GALNT5: variants seen among roughly 807,000 people sequenced by gnomAD.
The protein encoded by GALNT5 is UDP-GalNAc:polypeptide N-acetylgalactosaminyltransferase 5.
GALNT5 carries 72 observed loss-of-function variants against 85.4 expected under a neutral mutation model. That is an observed-to-expected ratio of 0.84 (90% confidence interval 0.70 to 1.03). GALNT5 has a LOEUF of 1.03. Ranked by LOEUF, GALNT5 falls within the 50% of genes least tolerant of loss-of-function variation. GALNT5 has a pLI of 0.00. For missense variants in GALNT5, 1,137 were observed against 1,135.5 expected (o/e 1.00, Z -0.02); for synonymous variants, 404 against 397.0 (o/e 1.02, Z -0.21).
chr2:157,296,202 C>T (rs1683210882), intron 4 of GALNT5, among the ~76,000 whole-genome samples, 192 bp from the exon 5 acceptor site: 1 of 152,098 alleles, frequency 6.6e-6, no homozygotes, highest in African/African-American at 2.4e-5. Context: ...AAGTTAAGCA[C>T]AAATAAGCCA....
intron 1 of GALNT5, among the ~76,000 whole-genome samples, chr2:157,264,174 T>TACACACAC (rs59575957): frequency 2.1e-5 from 3 of 144,608 alleles, no homozygotes; most frequent in Admixed American, 7.0e-5. Context: ...TCAACACACA[T>TACACACAC]ACACACACAC....
chr2:157,273,023 C>T lies in GALNT5; in HGVS notation c.1455-11259C>T, dbSNP rs142788425. Among the ~76,000 whole-genome samples, 498 of 152,308 alleles carry T rather than the reference C, an allele frequency of 3.3e-3. 3 individuals are homozygous for T. Among genetic ancestry groups the T allele is most frequent in the South Asian group, 7.9e-3 (38 of 4,816 alleles). On this transcript the variant is annotated intron_variant, in intron 1 of 9. Transcript: ENST00000259056. ...ATAAGCATTCTCTTTTCTCCACAGC[C>T]TTGACAGCATCTGTTGTTTTTTTAC...
At chr2:157,287,877 TA>T (rs1442421210) in intron 3 of GALNT5, among the ~76,000 whole-genome samples, 1 of 152,188 alleles carries the variant, frequency 6.6e-6, no homozygotes, top group Non-Finnish European at 1.5e-5. Flanking sequence ...CTTTGTGTAT[TA>T]ACTGATTGAA....
In GALNT5 at chr2:157,311,589, T is replaced by C; in HGVS notation, c.*241T>C. The C allele has an allele frequency of 3.2e-6, 1 of 311,220 alleles. No homozygotes were observed. Among genetic ancestry groups the C allele is most frequent in the Non-Finnish European group, 5.8e-6 (1 of 171,258 alleles). 19.3% of individuals were successfully genotyped at this position (311,220 alleles called of 1,614,324 possible). The stretch of plus-strand genomic sequence containing the variant: ...TTTGAATTGCCTGCTTTCCACCCTA[T>C]GCTAGACCTCATCATGCAAATTTCC... On this transcript the variant is annotated 3_prime_UTR_variant, in exon 10 of 10. Coordinates refer to ENST00000259056, the MANE Select transcript of GALNT5 (RefSeq NM_014568.3).
intron 1 of GALNT5, among the ~76,000 whole-genome samples, chr2:157,264,873 TA>T (rs1437265636): frequency 2.0e-5 from 3 of 152,190 alleles, no homozygotes; most frequent in Non-Finnish European, 4.4e-5. Flanking sequence ...AAATTAAATT[TA>T]AATTTTTAAT....
Position 157,258,299 on chromosome 2 carries a change from G to T in GALNT5, c.217G>T (p.Glu73Ter), listed in dbSNP as rs1175636571. 1 of 1,598,328 alleles carries T rather than the reference G, an allele frequency of 6.3e-7. No homozygotes were observed. The highest frequency in any genetic ancestry group is 1.4e-5 in the African/African-American group (1 of 73,932). The change falls in exon 1 of 10, where the codon GAG becomes TAG. Residue 73 changes from glutamate to a stop codon, truncating the protein, a stop_gained. Transcript: ENST00000259056. LOFTEE classifies it high-confidence loss of function. ...QGKIFYSSIK[E>*]MKPPLRGHGK... ...AAAAATTTTTTACAGCAGCATAAAA[G>T]AGATGAAACCTCCCCTAAGGGGACA...
In GALNT5 at chr2:157,258,741, T is replaced by G. The variant is rs763172003; in HGVS notation, c.659T>G (p.Ile220Ser). Residue 220 changes from isoleucine to serine, a missense_variant, in exon 1 of 10, where the codon ATC becomes AGC. By Grantham distance (142) the Ile-to-Ser change is moderately radical. Coordinates refer to ENST00000259056, the MANE Select transcript of GALNT5 (RefSeq NM_014568.3). ...LAAERDLNVTISLSTDRPKQR... is the reference protein window; with the variant it reads ...LAAERDLNVTSSLSTDRPKQR... Reference sequence around the variant, plus strand: ...GCTGAAAGGGACTTGAATGTGACCATCAGTCTTAGTACTGATAGACCAAAG... The same window carrying G: ...GCTGAAAGGGACTTGAATGTGACCAGCAGTCTTAGTACTGATAGACCAAAG... The G allele has an allele frequency of 1.2e-6, 2 of 1,613,948 alleles. No homozygotes were observed. The highest frequency in any genetic ancestry group is 2.2e-5 in the South Asian group (2 of 91,066).
chr2:157,287,967 T>C (rs955720952), intron 3 of GALNT5, among the ~76,000 whole-genome samples: 1 of 152,188 alleles, frequency 6.6e-6, no homozygotes, highest in Non-Finnish European at 1.5e-5. Context: ...AGTGAGGCTG[T>C]GCCTTATGCA....
At chr2:157,276,138 T>G (rs1052509816) in intron 1 of GALNT5, among the ~76,000 whole-genome samples, 1 of 152,244 alleles carries the variant, frequency 6.6e-6, no homozygotes, top group Admixed American at 6.5e-5. Context: ...GATTTGTGTA[T>G]GTTGAACTAG....
At position 157,257,941 on chromosome 2, in the gene GALNT5, G is replaced by A. The variant is rs752199012; in HGVS notation, c.-142G>A. ...AGGAACTGAGCTTTCCCCTTGGACTGCTGCTTCCTGCTGTGTTCAGGGGAG... is the reference window on the plus strand; with the variant it reads ...AGGAACTGAGCTTTCCCCTTGGACTACTGCTTCCTGCTGTGTTCAGGGGAG... On this transcript the variant is annotated 5_prime_UTR_variant, in exon 1 of 10. Transcript: ENST00000259056. 21 of 797,796 alleles carry A rather than the reference G, an allele frequency of 2.6e-5. No individual in the cohort carries two copies. The highest frequency in any genetic ancestry group is 3.9e-5 in the Non-Finnish European group (19 of 482,190). 49.4% of individuals were successfully genotyped at this position (797,796 alleles called of 1,614,324 possible).
intron 1 of GALNT5, among the ~76,000 whole-genome samples, chr2:157,266,479 T>C (rs183961920): frequency 6.6e-6 from 1 of 152,286 alleles, no homozygotes; most frequent in Admixed American, 6.5e-5. Context: ...TAAAGGGGAA[T>C]CCCTCCATTG....
intron 3 of GALNT5, among the ~76,000 whole-genome samples, chr2:157,293,302 T>TCAAAGGC (rs1323235041): frequency 1.3e-5 from 2 of 152,174 alleles, no homozygotes; most frequent in Non-Finnish European, 2.9e-5. Context: ...ACTGTCTGCT[T>TCAAAGGC]CAAAGGCGGC....
rs148659459 is a variant in GALNT5 at position 157,259,242 on chromosome 2, G to A, written c.1160G>A (p.Gly387Glu). ...TCCCAAACTAACCATGCTTTAACTG[G>A]AGGGCTAGAGCCAGCAAAAATCAAC... ...PLSQTNHALTGGLEPAKINIT... is the reference protein window; with the variant it reads ...PLSQTNHALTEGLEPAKINIT... Residue 387 changes from glycine (G) to glutamate (E), a missense_variant, in exon 1 of 10, where the codon GGA (glycine) becomes GAA (glutamate). Gly to Glu is a moderately conservative substitution (Grantham distance 98). Transcript: ENST00000259056. 3.0e-4 allele frequency: 479 copies of A among 1,608,302 alleles called. 3 individuals carry two copies. In the Middle Eastern group the frequency reaches 4.5e-3, roughly 15 times the overall value.
chr2:157,279,958 C>A (rs1187564010), intron 1 of GALNT5, among the ~76,000 whole-genome samples: 1 of 152,066 alleles, frequency 6.6e-6, no homozygotes, highest in Non-Finnish European at 1.5e-5. Context: ...TGGAACAGAC[C>A]TCAATTTTTT....
intron 3 of GALNT5, among the ~76,000 whole-genome samples, chr2:157,286,893 AGTGTGTGTGTGTGT>A (rs3072178): frequency 7.1e-4 from 97 of 135,896 alleles, no homozygotes; most frequent in South Asian, 1.5e-3. Context: ...TTTAAATACC[AGTGTGTGTGTGTGT>A]GTGTGTGTGT....
At chr2:157,302,437 G>A (rs1323610242) in intron 7 of GALNT5, 3 of 152,138 alleles carry the variant, frequency 2.0e-5, no homozygotes, top group African/African-American at 7.2e-5. Flanking sequence ...CCATTTTTAT[G>A]GGTCCAAATA....
chr2:157,308,903 C>CT (rs11385009), intron 9 of GALNT5, among the ~76,000 whole-genome samples, 175 bp downstream of exon 9: 127,039 of 149,754 alleles, frequency 0.85, 55,076 homozygotes, highest in East Asian at 0.99. Flanking sequence ...TTGACAAGTC[C>CT]TTTTTTTTTT....
chr2:157,264,275 C>T (rs1482548828), intron 1 of GALNT5, among the ~76,000 whole-genome samples: 2 of 151,984 alleles, frequency 1.3e-5, no homozygotes, highest in Non-Finnish European at 2.9e-5. Flanking sequence ...GTCTTTTGGC[C>T]TGAAGCTATA....
chr2:157,313,706 G>C lies in GALNT5; in HGVS notation c.*2358G>C, dbSNP rs1421965243. The C allele has an allele frequency of 6.6e-6, 1 of 151,956 alleles. No individual in the cohort carries two copies. The highest frequency in any genetic ancestry group is 2.4e-5 in the African/African-American group (1 of 41,368). 9.4% of individuals were successfully genotyped at this position (151,956 alleles called of 1,614,324 possible). A position where few individuals can be genotyped will look rare whatever the true frequency, so the allele number is the denominator to read the frequency against. ...TTGCATTTTGAATACACTTATCTTTGGGTATATCAACTAAAGGAAGTTGGA... is the reference window on the plus strand; with the variant it reads ...TTGCATTTTGAATACACTTATCTTTCGGTATATCAACTAAAGGAAGTTGGA... On this transcript the variant is annotated 3_prime_UTR_variant, in exon 10 of 10. Transcript: ENST00000259056.
Sources: allele counts gnomAD v4.1 joint callset (sites outside exome capture counted in the v4.1 genomes callset), GRCh38; gene constraint gnomAD v4.1.1; transcripts MANE v1.5; gene names NCBI Gene and HGNC (gene_info 2026-07-23, HGNC 2026-07-21).